The following GALNT2 variants were observed in gnomAD, a reference collection of about 807,000 sequenced individuals.
GALNT2 encodes the protein polypeptide N-acetylgalactosaminyltransferase 2.
A neutral mutation model predicts 81.4 loss-of-function variants in GALNT2; 31 were observed. The ratio of observed to expected loss-of-function variants is 0.38; its 90% CI spans 0.29 to 0.51. The LOEUF (loss-of-function observed/expected upper bound fraction) is 0.51, where lower values mean the gene tolerates loss of function less well. GALNT2 is among the 20% of genes least tolerant of loss of function. The pLI, the probability that GALNT2 is intolerant of heterozygous loss-of-function variation, is 0.87. For synonymous variants in GALNT2, 303 were observed against 287.4 expected, an observed-to-expected ratio of 1.05 and a Z score of -0.55; for missense variants, 629 against 765.7, an observed-to-expected ratio of 0.82 and a Z score of 2.11.
In GALNT2 at chr1:230,203,200, G is replaced by C; in HGVS notation, c.284G>C (p.Gly95Ala). The C allele has an allele frequency of 6.2e-7, 1 of 1,614,146 alleles. No individual in the cohort carries two copies. Among genetic ancestry groups the C allele is most frequent in the Non-Finnish European group, 8.5e-7 (1 of 1,180,026 alleles). ...GTTGGAGGGACGATGGTCCGCTCCG[G>C]GCAGGACCCTTACGCCCGCAACAAG... The part of the protein sequence containing the change: ...AYVGGTMVRS[G>A]QDPYARNKFN... Residue 95 changes from glycine (G) to alanine (A), a missense_variant, in exon 3 of 16, where the codon GGG (glycine) becomes GCG (alanine). Gly to Ala is a moderately conservative substitution (Grantham distance 60). Around this residue, in one of 3 missense-constraint regions of GALNT2, gnomAD observed 360 missense variants for 492.8 expected, o/e 0.73. Transcript: ENST00000366672.
At chr1:230,125,469 A>G (rs1481536317) in intron 1 of GALNT2, among the ~76,000 whole-genome samples, 1 of 152,220 alleles carries the variant, frequency 6.6e-6, no homozygotes. Context: ...ATAAGGAGAG[A>G]TGAAAGGTTT....
At chr1:230,116,311 C>G (rs1295056974) in intron 1 of GALNT2, among the ~76,000 whole-genome samples, 1 of 152,062 alleles carries the variant, frequency 6.6e-6, no homozygotes, top group Non-Finnish European at 1.5e-5. Flanking sequence ...CTCACTGCAA[C>G]CTCTGCATCC....
chr1:230,205,472 A>T (rs1224956368), intron 3 of GALNT2, among the ~76,000 whole-genome samples: 2 of 152,064 alleles, frequency 1.3e-5, no homozygotes, highest in African/African-American at 4.8e-5. Context: ...ACTCCAAAAG[A>T]TTGTCTTTGA....
chr1:230,135,883 G>A (rs1661523059), intron 1 of GALNT2, among the ~76,000 whole-genome samples: 1 of 151,634 alleles, frequency 6.6e-6, no homozygotes, highest in Non-Finnish European at 1.5e-5. Flanking sequence ...TTATAGATGG[G>A]GGTCTCACTG....
In GALNT2 at chr1:230,243,197, A is replaced by G. The variant is rs1402593740; in HGVS notation, c.608-109A>G. ...CAAGTTTACAGTAATGTCCGTGCCC[A>G]GAAAGCAGGCTGCAGAGCTGCGGGC... On this transcript the variant is annotated intron_variant, in intron 6 of 15. Coordinates refer to ENST00000366672, the MANE Select transcript of GALNT2 (RefSeq NM_004481.5). This position sits in a 1 kb window ranked among gnomAD's most constrained non-coding sequence, Gnocchi z 4.2. The G allele has an allele frequency of 1.4e-6, 2 of 1,408,822 alleles. No individual in the cohort carries two copies. The highest frequency in any genetic ancestry group is 2.5e-5 in the East Asian group (1 of 40,030). 87.3% of individuals were successfully genotyped at this position (1,408,822 alleles called of 1,614,324 possible). A position where few individuals can be genotyped will look rare whatever the true frequency, so the allele number is the denominator to read the frequency against.
chr1:230,281,709 C>CG lies in GALNT2; in HGVS notation c.*2254dup, dbSNP rs1000707826. 3 of 150,118 alleles carry CG rather than the reference C, an allele frequency of 2.0e-5. No individual in the cohort carries two copies. Among genetic ancestry groups the CG allele is most frequent in the Non-Finnish European group, 4.4e-5 (3 of 67,532 alleles). 9.3% of individuals were successfully genotyped at this position (150,118 alleles called of 1,614,324 possible). On this transcript the variant is annotated 3_prime_UTR_variant, in exon 16 of 16. Coordinates refer to ENST00000366672, the MANE Select transcript of GALNT2 (RefSeq NM_004481.5). ...AGCTGGGAGGCGGCTTTGGATGGTC[C>CG]GGGCGTCAAGAGCAGGGGTGGGCCG...
At position 230,193,796 on chromosome 1, in the gene GALNT2, G is replaced by A. The variant is rs1386071509; in HGVS notation, c.221-9341G>A. ...CCAGAATGAACTGTCCCATGGAAAT[G>A]GTGTCCTGAGTGGCACTTAGGAGCG... On this transcript the variant is annotated intron_variant, in intron 2 of 15. Transcript: ENST00000366672. This position sits in a 1 kb window ranked among gnomAD's most constrained non-coding sequence, Gnocchi z 4.3. 1.3e-5 allele frequency among the ~76,000 whole-genome samples: 2 copies of A among 152,306 alleles called. No individual in the cohort carries two copies. Among genetic ancestry groups the A allele is most frequent in the Middle Eastern group, 3.4e-3 (1 of 294 alleles).
At chr1:230,067,555 T>G (rs1571921487) in intron 1 of GALNT2, 149 bp downstream of exon 1, 32 of 273,086 alleles carry the variant, frequency 1.2e-4, no homozygotes, top group East Asian at 3.8e-4. Flanking sequence ...CCGCGCCGAG[T>G]GCCCAGGGCA....
chr1:230,067,493 G>C (rs1571921342), intron 1 of GALNT2, 87 bp downstream of exon 1: 1 of 447,280 alleles, frequency 2.2e-6, no homozygotes, highest in East Asian at 5.3e-5. Flanking sequence ...CGCCGCCCCT[G>C]CGCTCCTCCG....
At chr1:230,060,539 A>T (rs2102732444) in intron 1 of GALNT2, among the ~76,000 whole-genome samples, 1 of 147,124 alleles carries the variant, frequency 6.8e-6, no homozygotes, top group East Asian at 2.0e-4. Context: ...CACCACCCCC[A>T]CCCAGCAGTG....
At chr1:230,073,641 T>C (rs1659441781) in intron 1 of GALNT2, among the ~76,000 whole-genome samples, 1 of 152,230 alleles carries the variant, frequency 6.6e-6, no homozygotes, top group Non-Finnish European at 1.5e-5. Context: ...AACTGTCACA[T>C]AGAGTCTCAC....
At chr1:230,057,990 GA>G (rs1658954408) in exon 1 of GALNT2, 11 of 456,042 alleles carry the variant, frequency 2.4e-5, no homozygotes, top group South Asian at 1.7e-4. Flanking sequence ...TCTGATACAA[GA>G]GTGTACACGA....
intron 3 of GALNT2, 115 bp downstream of exon 3, chr1:230,203,405 T>C (rs1328881528): frequency 7.9e-7 from 1 of 1,259,800 alleles, no homozygotes. Flanking sequence ...TGAATGTGTG[T>C]TGTAAAACTA....
intron 10 of GALNT2, among the ~76,000 whole-genome samples, chr1:230,253,052 T>C (rs544481253): frequency 6.6e-6 from 1 of 152,144 alleles, no homozygotes; most frequent in Non-Finnish European, 1.5e-5. Context: ...TTCTCCATGT[T>C]GGTCAGGCTG....
chr1:230,230,716 A>G (rs189012718), intron 3 of GALNT2, among the ~76,000 whole-genome samples: 2 of 152,354 alleles, frequency 1.3e-5, no homozygotes, highest in Admixed American at 6.5e-5. Flanking sequence ...CTCTTCCGTG[A>G]TAGAATCCTG....
At chr1:230,163,635 T>A (rs1662506109) in intron 1 of GALNT2, among the ~76,000 whole-genome samples, 1 of 152,244 alleles carries the variant, frequency 6.6e-6, no homozygotes, top group Non-Finnish European at 1.5e-5. Flanking sequence ...GAATTTGCCT[T>A]CGAAGCCCGA....
intron 2 of GALNT2, among the ~76,000 whole-genome samples, chr1:230,190,958 G>C (rs970881831): frequency 5.3e-5 from 8 of 152,058 alleles, no homozygotes; most frequent in Non-Finnish European, 1.0e-4. Flanking sequence ...AAATTGCAGG[G>C]TCAATGGCAA....
chr1:230,110,714 G>GTGTT lies in GALNT2; in HGVS notation c.126+43309_126+43310insGTTT, dbSNP rs1553257212. 8.9e-3 allele frequency among the ~76,000 whole-genome samples: 1,230 copies of GTGTT among 137,636 alleles called. 22 individuals carry two copies. Among genetic ancestry groups the GTGTT allele is most frequent in the Non-Finnish European group, 0.011 (724 of 63,628 alleles). 90.3% of individuals were successfully genotyped at this position (137,636 alleles called of 152,430 possible). On this transcript the variant is annotated intron_variant, in intron 1 of 15. Transcript: ENST00000366672. ...GGGTCTCTCTCAGCTGTGCTTTTCT[G>GTGTT]TTTTTTTTTTTTTTGTCTTCAATAG...
At position 230,274,388 on chromosome 1, in the gene GALNT2, CT is replaced by C. The variant is rs1462226647; in HGVS notation, c.1441-54del. The C allele has an allele frequency of 3.1e-6, 5 of 1,588,836 alleles. No individual in the cohort carries two copies. In the African/African-American group the frequency reaches 4.0e-5, roughly 13 times the overall value. On this transcript the variant is annotated intron_variant, in intron 14 of 15. Coordinates refer to ENST00000366672, the MANE Select transcript of GALNT2 (RefSeq NM_004481.5). ...TTTTGAGCCCTCATCGATGCCCCTT[CT>C]TTCCTTTCACAGCCCGGTGCATAGC...
Sources: gnomAD v4.1 joint callset for allele counts (sites outside exome capture counted in the v4.1 genomes callset) on GRCh38, gnomAD v4.1.1 for gene constraint, gnomAD v4.1.1 regional missense constraint, Gnocchi (gnomAD v3.1) non-coding constraint, MANE v1.5 for transcripts, NCBI Gene and HGNC (gene_info 2026-07-23, HGNC 2026-07-21) for gene names.